ZNF385D: variants seen among roughly 807,000 people sequenced by gnomAD.
ZNF385D encodes zinc finger protein 659.
A neutral mutation model predicts 35.8 loss-of-function variants in ZNF385D; 15 were observed. The observed-to-expected ratio is 0.42, with a 90% confidence interval of 0.28 to 0.64. The LOEUF is 0.64. Ranked by LOEUF, ZNF385D falls within the 30% of genes least tolerant of loss-of-function variation. The probability of loss-of-function intolerance (pLI) is 0.23; values close to 1 mark genes in which losing one functional copy is unlikely to be tolerated. For synonymous variants in ZNF385D, 212 were observed against 186.8 expected (o/e 1.13, Z -1.10); for missense variants, 474 against 494.6 (o/e 0.96, Z 0.39).
intron 2 of ZNF385D, among the ~76,000 whole-genome samples, chr3:21,619,628 T>C (rs1436965803): frequency 6.6e-6 from 1 of 152,140 alleles, no homozygotes; most frequent in Non-Finnish European, 1.5e-5. Flanking sequence ...TAGAAACTCC[T>C]TGAGGATAAC....
chr3:21,613,598 T>A (rs980694729), intron 2 of ZNF385D, among the ~76,000 whole-genome samples: 1 of 152,148 alleles, frequency 6.6e-6, no homozygotes, highest in Non-Finnish European at 1.5e-5. Flanking sequence ...CTTAGTGAAT[T>A]TCCCAGTATT....
At position 21,472,247 on chromosome 3, in the gene ZNF385D, C is replaced by G. The variant is rs191859924; in HGVS notation, c.440-35044G>C. Among the ~76,000 whole-genome samples the G allele has an allele frequency of 3.9e-5, 6 of 152,108 alleles. No homozygotes were observed. The South Asian group carries it at 1.2e-3, about 32-fold the overall frequency. ...CCACGCTAGGCCCTTTAGAGTTATA[C>G]AAAATAAATTTAGAAGCATAACAAG... is the stretch of plus-strand genomic sequence containing the variant. On this transcript the variant is annotated intron_variant, in intron 4 of 7. Transcript: ENST00000281523.
chr3:22,096,586 TTCC>T (rs1701646314), intron 3 of ZNF385D, among the ~76,000 whole-genome samples: 1 of 152,058 alleles, frequency 6.6e-6, no homozygotes, highest in Non-Finnish European at 1.5e-5. Flanking sequence ...AGAAATTTTA[TTCC>T]TCCTCTATTT....
chr3:22,305,559 T>A (rs1442076593), intron 2 of ZNF385D, among the ~76,000 whole-genome samples: 2 of 152,126 alleles, frequency 1.3e-5, no homozygotes, highest in African/African-American at 4.8e-5. Flanking sequence ...CTCTACCTCC[T>A]GGAGCATCAT....
chr3:22,292,175 C>T (rs1702332695), intron 2 of ZNF385D, among the ~76,000 whole-genome samples: 1 of 151,906 alleles, frequency 6.6e-6, no homozygotes, highest in South Asian at 2.1e-4. Flanking sequence ...AACTTCATTA[C>T]TTCGTGGGTT....
chr3:22,104,985 T>C (rs1702129940), intron 3 of ZNF385D, among the ~76,000 whole-genome samples: 1 of 152,152 alleles, frequency 6.6e-6, no homozygotes, highest in African/African-American at 2.4e-5. Context: ...CCCAGTATTA[T>C]TAGAGAATGA....
At chr3:21,834,836 G>A (rs1363920611) in intron 3 of ZNF385D, among the ~76,000 whole-genome samples, 9 of 152,074 alleles carry the variant, frequency 5.9e-5, no homozygotes, top group African/African-American at 2.2e-4. Context: ...ACATCTGGTG[G>A]TTTAAAAGTG....
upstream of ZNF385D, among the ~76,000 whole-genome samples, chr3:21,755,768 G>T (rs192704742): frequency 6.6e-6 from 1 of 152,102 alleles, no homozygotes; most frequent in East Asian, 1.9e-4. Context: ...ATTTATCTAT[G>T]AATTCATTCA....
intron 2 of ZNF385D, among the ~76,000 whole-genome samples, chr3:22,249,271 TCCCCCCACCC>T (rs1319257428): frequency 6.6e-6 from 1 of 151,824 alleles, no homozygotes; most frequent in East Asian, 1.9e-4. Flanking sequence ...ACAACCAGAA[TCCCCCCACCC>T]ATATTAGCAA....
chr3:21,458,959 CAATG>C (rs1461882961), intron 4 of ZNF385D, among the ~76,000 whole-genome samples: 1 of 152,154 alleles, frequency 6.6e-6, no homozygotes, highest in Non-Finnish European at 1.5e-5. Flanking sequence ...AATTATATCT[CAATG>C]AAGCTGTTAT....
chr3:21,558,735 G>C (rs1024315468), intron 3 of ZNF385D, among the ~76,000 whole-genome samples: 1 of 92,098 alleles, frequency 1.1e-5, no homozygotes, highest in Non-Finnish European at 2.0e-5. Context: ...AATATTGATA[G>C]TGCACTGTTA....
chr3:21,658,049 C>A (rs1255349762), intron 2 of ZNF385D, among the ~76,000 whole-genome samples: 1 of 151,926 alleles, frequency 6.6e-6, no homozygotes, highest in Admixed American at 6.6e-5. Context: ...AATTTTCTGT[C>A]TTGGATTCTG....
intron 4 of ZNF385D, among the ~76,000 whole-genome samples, chr3:21,475,767 A>G (rs1704195877): frequency 6.6e-6 from 1 of 152,164 alleles, no homozygotes; most frequent in Admixed American, 6.6e-5. Context: ...AAGCAAGTGT[A>G]AGGCAGGGAA....
At chr3:21,429,326 T>C (rs2125212227) in intron 5 of ZNF385D, among the ~76,000 whole-genome samples, 1 of 152,266 alleles carries the variant, frequency 6.6e-6, no homozygotes, top group South Asian at 2.1e-4. Context: ...AAAGTTGGAA[T>C]AAGTTAGCTA....
chr3:21,563,662 C>CTGTT (rs1446693057), intron 3 of ZNF385D, among the ~76,000 whole-genome samples: 17 of 152,258 alleles, frequency 1.1e-4, no homozygotes, highest in African/African-American at 3.9e-4. Flanking sequence ...GAATTCAGAT[C>CTGTT]TGTTTGGTCA....
chr3:22,334,854 A>T (rs1453674698), intron 2 of ZNF385D, among the ~76,000 whole-genome samples: 5 of 151,652 alleles, frequency 3.3e-5, no homozygotes, highest in Non-Finnish European at 7.4e-5. Flanking sequence ...ATCAGAAATA[A>T]ATGGAACTAA....
At chr3:22,338,816 T>G (rs1006872274) in intron 2 of ZNF385D, among the ~76,000 whole-genome samples, 1 of 150,072 alleles carries the variant, frequency 6.7e-6, no homozygotes, top group Non-Finnish European at 1.5e-5. Flanking sequence ...TTCTCCTGCC[T>G]CAGCCTCCTG....
chr3:22,345,728 T>C (rs1437837609), intron 2 of ZNF385D, among the ~76,000 whole-genome samples: 1 of 152,204 alleles, frequency 6.6e-6, no homozygotes, highest in Non-Finnish European at 1.5e-5. Context: ...TTCCAGCTTC[T>C]AGAAGTGCTA....
chr3:21,826,435 T>A (rs2670257), intron 3 of ZNF385D, among the ~76,000 whole-genome samples: 2 of 152,186 alleles, frequency 1.3e-5, no homozygotes, highest in African/African-American at 2.4e-5. Context: ...TGACACTAGT[T>A]GGAAGAAATA....
Sources: gnomAD v4.1 joint callset for allele counts (sites outside exome capture counted in the v4.1 genomes callset) on GRCh38, gnomAD v4.1.1 for gene constraint, MANE v1.5 for transcripts, NCBI Gene and HGNC (gene_info 2026-07-23, HGNC 2026-07-21) for gene names.